The following CCDC178 variants were observed in gnomAD, a reference collection of about 807,000 sequenced individuals.
CCDC178 encodes the protein coiled-coil domain-containing protein 178.
In CCDC178, 126 loss-of-function variants were observed where a neutral mutation model predicts 117.4. The ratio of observed to expected loss-of-function variants is 1.07; its 90% confidence interval spans 0.93 to 1.24. The LOEUF is 1.24. Ranked by LOEUF, CCDC178 falls within the 50% of genes most tolerant of loss-of-function variation. The pLI is 0.00. For missense variants in CCDC178, 1,030 were observed against 986.9 expected, an observed-to-expected ratio of 1.04 and a Z score of -0.59; for synonymous variants, 283 against 313.4, an observed-to-expected ratio of 0.90 and a Z score of 1.02.
Position 33,267,032 on chromosome 18 carries a change from C to T in CCDC178, c.1293G>A (p.Glu431=). The change falls in exon 14 of 23, where the codon GAG becomes GAA. Residue 431 remains glutamate (E), a synonymous_variant. Coordinates refer to ENST00000383096, the MANE Select transcript of CCDC178 (RefSeq NM_001105528.4). ...AAAAATCTTTTGCAACATCAGAAAG[C>T]TCAATATCCCATGTTTTTTTCTTTA... ...FYAAKKTWDI[E]LSDVAKDFSA... 6.3e-7 allele frequency: 1 copy of T among 1,589,960 alleles called. No individual in the cohort carries two copies. Among genetic ancestry groups the T allele is most frequent in the Non-Finnish European group, 8.5e-7 (1 of 1,173,228 alleles).
At chr18:33,287,624 C>T (rs898190805) in intron 12 of CCDC178, among the ~76,000 whole-genome samples, 1 of 151,796 alleles carries the variant, frequency 6.6e-6, no homozygotes, top group South Asian at 2.1e-4. Context: ...ACCAAAAATA[C>T]AAAAAATTAG....
At chr18:32,974,771 A>G (rs1212966324) in intron 21 of CCDC178, 90 bp from the exon 22 acceptor site, 2 of 1,341,516 alleles carry the variant, frequency 1.5e-6, no homozygotes, top group Non-Finnish European at 2.1e-6. Context: ...AGGGAAATAT[A>G]GAAAGCAGTC....
intron 2 of CCDC178, among the ~76,000 whole-genome samples, chr18:33,431,124 G>C (rs1250313965): frequency 6.7e-6 from 1 of 148,394 alleles, no homozygotes; most frequent in East Asian, 2.0e-4. Context: ...AAATGGCTCA[G>C]GTGATGATTC....
chr18:33,376,189 C>T (rs2063363443), intron 5 of CCDC178, among the ~76,000 whole-genome samples: 1 of 152,028 alleles, frequency 6.6e-6, no homozygotes, highest in Admixed American at 6.6e-5. Context: ...CTGGCACTGG[C>T]TGTGAGCAGT....
intron 12 of CCDC178, among the ~76,000 whole-genome samples, chr18:33,275,654 GA>G (rs1279968198): frequency 2.0e-4 from 22 of 111,758 alleles, no homozygotes; most frequent in African/African-American, 7.3e-4. Context: ...TAGGAAAGGG[GA>G]GGGGAGGGGG....
chr18:33,376,543 G>T lies in CCDC178; in HGVS notation c.209-6354C>A, dbSNP rs181629700. ...TGAGGTTTGGGGTATGATTGCTTCT[G>T]TCACCCAGGTATTGAGCATAGTACA... On this transcript the variant is annotated intron_variant, in intron 5 of 22. Coordinates refer to ENST00000383096, the MANE Select transcript of CCDC178 (RefSeq NM_001105528.4). Among the ~76,000 whole-genome samples, 192 of 152,188 alleles carry T rather than the reference G, an allele frequency of 1.3e-3. 3 individuals carry two copies. Among genetic ancestry groups the T allele is most frequent in the Admixed American group, 0.01 (158 of 15,280 alleles).
chr18:32,943,746 T>C lies in CCDC178; in HGVS notation c.2524-5655A>G, dbSNP rs540113331. Reference sequence around the variant, plus strand: ...CACTATGGTATGATTACAGATATTCTGAAATTTCAAAAAACAAATCCCGCT... The same window carrying C: ...CACTATGGTATGATTACAGATATTCCGAAATTTCAAAAAACAAATCCCGCT... On this transcript the variant is annotated intron_variant, in intron 22 of 22. Transcript: ENST00000383096. Among the ~76,000 whole-genome samples, 94 of 152,340 alleles carry C rather than the reference T, an allele frequency of 6.2e-4. 1 individual carries two copies. Among genetic ancestry groups the C allele is most frequent in the African/African-American group, 2.2e-3 (91 of 41,594 alleles).
At chr18:33,298,424 C>G (rs758463424) in intron 11 of CCDC178, among the ~76,000 whole-genome samples, 11 of 152,106 alleles carry the variant, frequency 7.2e-5, no homozygotes, top group Non-Finnish European at 1.6e-4. Flanking sequence ...TAAAATTAAA[C>G]ATTTCATCAC....
At chr18:33,176,686 T>C (rs2058667894) in intron 20 of CCDC178, among the ~76,000 whole-genome samples, 1 of 152,206 alleles carries the variant, frequency 6.6e-6, no homozygotes, top group African/African-American at 2.4e-5. Flanking sequence ...ATACCAACTC[T>C]ATCATTTCAA....
At chr18:32,960,009 T>C (rs2054674756) in intron 22 of CCDC178, among the ~76,000 whole-genome samples, 2 of 152,088 alleles carry the variant, frequency 1.3e-5, no homozygotes, top group Admixed American at 1.3e-4. Flanking sequence ...AAGAAATACA[T>C]TTTGGCTTAA....
intron 20 of CCDC178, among the ~76,000 whole-genome samples, chr18:33,183,223 T>C (rs1001994515): frequency 2.0e-5 from 3 of 152,066 alleles, no homozygotes; most frequent in African/African-American, 7.2e-5. Flanking sequence ...GACAGGAGTC[T>C]TGTATAAGTG....
intron 22 of CCDC178, among the ~76,000 whole-genome samples, chr18:32,951,910 A>T (rs909195635): frequency 2.0e-5 from 3 of 152,226 alleles, no homozygotes; most frequent in Non-Finnish European, 4.4e-5. Context: ...TACAGGCCCC[A>T]TGCAAGTCCA....
chr18:33,391,765 T>A (rs1700033975), intron 4 of CCDC178, among the ~76,000 whole-genome samples: 1 of 152,164 alleles, frequency 6.6e-6, no homozygotes, highest in African/African-American at 2.4e-5. Context: ...CATTCAGAAC[T>A]TAAATGTTTA....
intron 21 of CCDC178, among the ~76,000 whole-genome samples, chr18:33,062,121 T>C (rs886450569): frequency 6.6e-6 from 1 of 152,216 alleles, no homozygotes; most frequent in African/African-American, 2.4e-5. Context: ...TTTAAAGGTC[T>C]ACTAACAGGT....
Position 33,308,826 on chromosome 18 carries a change from T to G in CCDC178, c.1022+14665A>C, listed in dbSNP as rs2062294973. Among the ~76,000 whole-genome samples the G allele has an allele frequency of 2.6e-5, 4 of 152,178 alleles. No homozygotes were observed. The South Asian group carries it at 6.2e-4, about 24-fold the overall frequency. ...GCTCTCATACTTCTTCCTGCCACCATGTGAAGAAGGATGTGTTTGCTTCCC... is the reference window on the plus strand; with the variant it reads ...GCTCTCATACTTCTTCCTGCCACCAGGTGAAGAAGGATGTGTTTGCTTCCC... On this transcript the variant is annotated intron_variant, in intron 11 of 22. Transcript: ENST00000383096.
rs1249771593 is a variant in CCDC178, at chr18:33,200,935, A to G, written c.2238+10961T>C. 2.0e-5 allele frequency among the ~76,000 whole-genome samples: 3 copies of G among 152,322 alleles called. No homozygotes were observed. In the East Asian group the frequency reaches 5.8e-4, roughly 29 times the overall value. ...TCAAAATGAACAAATACATCGATGA[A>G]TGAATGAACAAAAATCAATATAGTT... On this transcript the variant is annotated intron_variant, in intron 20 of 22. Coordinates refer to ENST00000383096, the MANE Select transcript of CCDC178 (RefSeq NM_001105528.4).
At chr18:33,088,267 T>C (rs1761266131) in intron 21 of CCDC178, among the ~76,000 whole-genome samples, 1 of 152,154 alleles carries the variant, frequency 6.6e-6, no homozygotes, top group South Asian at 2.1e-4. Context: ...TTTTGCTGGT[T>C]ATTTTGTGTC....
intron 20 of CCDC178, among the ~76,000 whole-genome samples, chr18:33,192,205 C>T (rs1304691584): frequency 6.6e-6 from 1 of 152,128 alleles, no homozygotes; most frequent in East Asian, 1.9e-4. Context: ...ATGTAAGTCT[C>T]CCTCAACTTG....
At chr18:33,165,021 C>T (rs1040335410) in intron 20 of CCDC178, among the ~76,000 whole-genome samples, 1 of 152,164 alleles carries the variant, frequency 6.6e-6, no homozygotes, top group African/African-American at 2.4e-5. Context: ...TTAAAAATCC[C>T]ATTTGTTAAT....
Sources: allele counts gnomAD v4.1 joint callset (sites outside exome capture counted in the v4.1 genomes callset), GRCh38; gene constraint gnomAD v4.1.1; transcripts MANE v1.5; gene names NCBI Gene and HGNC (gene_info 2026-07-23, HGNC 2026-07-21).